The following WDR88 variants were observed in gnomAD, a reference collection of about 807,000 sequenced individuals.
The protein encoded by WDR88 is WD repeat domain 88, also known as WD repeat-containing protein 88.
In WDR88, 40 loss-of-function variants were observed where a neutral mutation model predicts 46.8. That is an observed-to-expected ratio of 0.86 (90% confidence interval 0.66 to 1.11). WDR88 has a LOEUF of 1.11. Among genes scored for constraint, WDR88 ranks in the 50% most tolerant of loss-of-function variants. The pLI is 0.00. For synonymous variants in WDR88, 235 were observed against 240.7 expected, an observed-to-expected ratio of 0.98 and a Z score of 0.22; for missense variants, 562 against 602.4, an observed-to-expected ratio of 0.93 and a Z score of 0.70.
In WDR88 at chr19:33,132,183, C is replaced by T. The variant is rs1973138039; in HGVS notation, c.14C>T (p.Pro5Leu). The T allele has an allele frequency of 1.3e-6, 2 of 1,596,638 alleles. No homozygotes were observed. The highest frequency in any genetic ancestry group is 8.5e-7 in the Non-Finnish European group (1 of 1,174,126). The change falls in exon 1 of 11, where the codon CCG (proline) becomes CTG (leucine). Residue 5 changes from proline to leucine, a missense_variant. By Grantham distance (98) the Pro-to-Leu change is moderately conservative. Transcript: ENST00000355868. Reference sequence around the variant, plus strand: ...CCGGGCTTCGAGATGGCCTCCCCGCCGCGGTGCTCCCCGACAGCCCATGAC... The same window carrying T: ...CCGGGCTTCGAGATGGCCTCCCCGCTGCGGTGCTCCCCGACAGCCCATGAC... MASPPRCSPTAHDRE... is the reference protein window; with the variant it reads MASPLRCSPTAHDRE...
Position 33,172,338 on chromosome 19 carries a change from T to C in WDR88, c.1150-10T>C. On this transcript the variant is annotated splice_polypyrimidine_tract_variant and intron_variant, in intron 9 of 10. Transcript: ENST00000355868. ...CTGTTTTGTGACCGCTGGTTTGCTA[T>C]TTGTTTTAGGATAGGACCATGAGAC... 1.2e-6 allele frequency: 2 copies of C among 1,608,682 alleles called. No individual in the cohort carries two copies. The highest frequency in any genetic ancestry group is 1.7e-6 in the Non-Finnish European group (2 of 1,176,990).
intron 7 of WDR88, among the ~76,000 whole-genome samples, chr19:33,159,173 C>CA (rs980509267): frequency 4.9e-4 from 69 of 140,890 alleles, no homozygotes; most frequent in Middle Eastern, 3.5e-3. Context: ...TCTACCAAAA[C>CA]AAAAAAAAAA....
intron 6 of WDR88, among the ~76,000 whole-genome samples, chr19:33,155,155 T>G (rs1973710314): frequency 6.6e-6 from 1 of 152,230 alleles, no homozygotes; most frequent in African/African-American, 2.4e-5. Flanking sequence ...TTCATTTTTT[T>G]TCTGAGATAG....
At position 33,148,818 on chromosome 19, in the gene WDR88, C is replaced by G. The variant is rs1568363565; in HGVS notation, c.587C>G (p.Pro196Arg). 6.2e-7 allele frequency: 1 copy of G among 1,614,142 alleles called. No individual in the cohort carries two copies. The highest frequency in any genetic ancestry group is 8.5e-7 in the Non-Finnish European group (1 of 1,180,024). Residue 196 changes from proline to arginine, a missense_variant, in exon 5 of 11, where the codon CCT becomes CGT. Pro to Arg is a moderately radical substitution (Grantham distance 103, BLOSUM62 -2). Coordinates refer to ENST00000355868, the MANE Select transcript of WDR88 (RefSeq NM_173479.4). ...TTCATCGTCTCCTGTAAGTTTTCTC[C>G]TGATGGTAAATACGTGGTCTCAGGC... ...DTFIVSCKFS[P>R]DGKYVVSGFD...
rs757960523 is a variant in WDR88, at chr19:33,156,456, CAG to C, written c.912_913del (p.Glu306ValfsTer15). ...AACTTAAAAATATGGAACGTCCACA[CAG>C]GGGAGTTTCGAAACTGTGGAGCCTG... On this transcript the variant is annotated frameshift_variant, in exon 7 of 11. Coordinates refer to ENST00000355868, the MANE Select transcript of WDR88 (RefSeq NM_173479.4). LOFTEE classifies it high-confidence loss of function. 8.7e-6 allele frequency: 14 copies of C among 1,614,192 alleles called. No individual in the cohort carries two copies. The highest frequency in any genetic ancestry group is 1.7e-5 in the Admixed American group (1 of 60,008).
intron 5 of WDR88, among the ~76,000 whole-genome samples, chr19:33,150,516 C>T (rs1308294026): frequency 6.6e-6 from 1 of 152,238 alleles, no homozygotes; most frequent in Admixed American, 6.5e-5. Context: ...CCTGTCTCCT[C>T]CCCAGAGGCA....
At chr19:33,167,346 G>GA in intron 9 of WDR88, among the ~76,000 whole-genome samples, 1 of 151,942 alleles carries the variant, frequency 6.6e-6, no homozygotes. Flanking sequence ...AAAGGCATTT[G>GA]AAAAAATTCA....
intron 1 of WDR88, among the ~76,000 whole-genome samples, chr19:33,134,135 T>C (rs1973197251): frequency 6.6e-6 from 1 of 152,174 alleles, no homozygotes; most frequent in Non-Finnish European, 1.5e-5. Context: ...TGTACTCATG[T>C]GTTGGGGACT....
intron 7 of WDR88, among the ~76,000 whole-genome samples, chr19:33,157,707 A>AAT: frequency 1.4e-4 from 2 of 14,414 alleles, no homozygotes; most frequent in South Asian, 1.1e-3. Flanking sequence ...ATATATATAT[A>AAT]TATATATATA....
chr19:33,172,378 G>T lies in WDR88; in HGVS notation c.1180G>T (p.Glu394Ter), dbSNP rs1382005846. ...DRTMRLWNIEEIDEIPLVIKY... is the reference protein window; with the variant it reads ...DRTMRLWNIE ...GACCATGAGACTGTGGAATATTGAA[G>T]AAATTGATGAAATTCCTTTGGTAAT... The change falls in exon 10 of 11, where the codon GAA becomes TAA. Residue 394 changes from glutamate (E) to a stop codon, truncating the protein, a stop_gained. Transcript: ENST00000355868. LOFTEE classifies it high-confidence loss of function. 1.2e-6 allele frequency: 2 copies of T among 1,613,872 alleles called. No homozygotes were observed. The highest frequency in any genetic ancestry group is 1.3e-5 in the African/African-American group (1 of 74,912).
rs1208876423 is a variant in WDR88, at chr19:33,147,670, A to G, written c.502A>G (p.Thr168Ala). The G allele has an allele frequency of 3.1e-6, 5 of 1,613,888 alleles. No individual in the cohort carries two copies. In the African/African-American group the frequency reaches 6.7e-5, roughly 22 times the overall value. Reference sequence around the variant, plus strand: ...AGTCATTGCCGCATCCTATGATAAGACAGTGAGGGCCTGGGACCTGGAGAC... The same window carrying G: ...AGTCATTGCCGCATCCTATGATAAGGCAGTGAGGGCCTGGGACCTGGAGAC... ...SRVIAASYDK[T>A]VRAWDLETGK... Residue 168 changes from threonine (T) to alanine (A), a missense_variant, in exon 4 of 11, where the codon ACA (threonine) becomes GCA (alanine). By Grantham distance (58) the Thr-to-Ala change is moderately conservative. Coordinates refer to ENST00000355868, the MANE Select transcript of WDR88 (RefSeq NM_173479.4).
chr19:33,133,093 G>T (rs988307627), intron 1 of WDR88, among the ~76,000 whole-genome samples: 1 of 151,522 alleles, frequency 6.6e-6, no homozygotes, highest in Non-Finnish European at 1.5e-5. Flanking sequence ...GGAGTTTAAG[G>T]CTGCAGTGAG....
chr19:33,151,960 G>T (rs186068410), intron 6 of WDR88, among the ~76,000 whole-genome samples: 1 of 151,748 alleles, frequency 6.6e-6, no homozygotes, highest in Non-Finnish European at 1.5e-5. Context: ...GGCTGGGCTC[G>T]GTGGCTCATG....
intron 9 of WDR88, among the ~76,000 whole-genome samples, chr19:33,167,668 C>T (rs1568371375): frequency 6.7e-6 from 1 of 149,638 alleles, no homozygotes; most frequent in Non-Finnish European, 1.5e-5. Context: ...TCCTTCCTTC[C>T]TTCTCTTCCT....
rs35860325 is a variant in WDR88, at chr19:33,153,229, G to GTTT, written c.809+1933_809+1935dup. 2.4e-3 allele frequency among the ~76,000 whole-genome samples: 306 copies of GTTT among 129,522 alleles called. 2 individuals are homozygous for GTTT. Among genetic ancestry groups the GTTT allele is most frequent in the African/African-American group, 7.4e-3 (266 of 35,828 alleles). The allele number at this position is 129,522 out of a possible 152,430, so 85.0% of individuals were successfully genotyped here. Reference sequence around the variant, plus strand: ...CCATGCCTGGCTAATTTTTAAGTTTGTTTTTTTTTTTTTTTTGCAGAAACG... The same window carrying GTTT: ...CCATGCCTGGCTAATTTTTAAGTTTGTTTTTTTTTTTTTTTTTTTGCAGAAACG... On this transcript the variant is annotated intron_variant, in intron 6 of 10. Coordinates refer to ENST00000355868, the MANE Select transcript of WDR88 (RefSeq NM_173479.4).
At chr19:33,163,194 G>A (rs186409610) in intron 8 of WDR88, among the ~76,000 whole-genome samples, 1 of 151,828 alleles carries the variant, frequency 6.6e-6, no homozygotes, top group Non-Finnish European at 1.5e-5. Context: ...TTAGCCGGGT[G>A]TGGTGGCGGG....
At chr19:33,151,389 C>T in intron 6 of WDR88, 79 bp downstream of exon 6, 2 of 1,522,766 alleles carry the variant, frequency 1.3e-6, no homozygotes, top group Non-Finnish European at 1.8e-6. Flanking sequence ...CCACATAAGC[C>T]AGCATCCATG....
intron 9 of WDR88, among the ~76,000 whole-genome samples, chr19:33,169,114 T>C (rs893991564): frequency 6.6e-6 from 1 of 152,172 alleles, no homozygotes; most frequent in African/African-American, 2.4e-5. Context: ...ACACCTTAAC[T>C]TGAGAGCTAA....
At chr19:33,162,709 A>G (rs1195327792) in intron 8 of WDR88, among the ~76,000 whole-genome samples, 1 of 152,080 alleles carries the variant, frequency 6.6e-6, no homozygotes, top group Non-Finnish European at 1.5e-5. Flanking sequence ...CAATCTTGCT[A>G]AACACCCGAG....
Sources: gnomAD v4.1 joint callset for allele counts (sites outside exome capture counted in the v4.1 genomes callset) on GRCh38, gnomAD v4.1.1 for gene constraint, MANE v1.5 for transcripts, NCBI Gene and HGNC (gene_info 2026-07-23, HGNC 2026-07-21) for gene names.